The following PALM2AKAP2 variants were observed in gnomAD, a reference collection of about 807,000 sequenced individuals.
PALM2AKAP2 encodes PALM2 and AKAP2 fusion, also known as PALM2-AKAP2 fusion protein.
PALM2AKAP2 carries 37 observed loss-of-function variants against 71.5 expected under a neutral mutation model. The ratio of observed to expected loss-of-function variants is 0.52; its 90% CI spans 0.40 to 0.68. The LOEUF is 0.68. PALM2AKAP2 is among the 30% of genes least tolerant of loss of function. The probability of loss-of-function intolerance (pLI) is 0.00; values close to 1 mark genes in which losing one functional copy is unlikely to be tolerated. For synonymous variants in PALM2AKAP2, 468 were observed against 478.8 expected (o/e 0.98, Z 0.29); for missense variants, 1,224 against 1,191.8 (o/e 1.03, Z -0.40).
intron 5 of PALM2AKAP2, among the ~76,000 whole-genome samples, chr9:109,930,221 G>A (rs926184162): frequency 2.0e-5 from 3 of 149,294 alleles, no homozygotes; most frequent in Non-Finnish European, 4.4e-5. Flanking sequence ...GGTTAATATG[G>A]AAAAATCTAT....
At chr9:109,720,747 T>G (rs1215281658) in intron 1 of PALM2AKAP2, among the ~76,000 whole-genome samples, 1 of 152,236 alleles carries the variant, frequency 6.6e-6, no homozygotes, top group Non-Finnish European at 1.5e-5. Flanking sequence ...TGTGTAAGGA[T>G]ATACACAAAT....
intron 1 of PALM2AKAP2, among the ~76,000 whole-genome samples, chr9:109,717,036 A>G (rs987706392): frequency 1.1e-4 from 16 of 152,156 alleles, no homozygotes; most frequent in East Asian, 1.9e-4. Context: ...ATGCAATTCA[A>G]TGAGATCCAA....
At chr9:110,053,043 G>A (rs62580233) in intron 1 of PALM2AKAP2, among the ~76,000 whole-genome samples, 12,319 of 152,254 alleles carry the variant, frequency 0.081, 545 homozygotes, top group Middle Eastern at 0.12. Context: ...GTTTGGTGGT[G>A]GGTTCCTTTT....
intron 6 of PALM2AKAP2, among the ~76,000 whole-genome samples, chr9:109,985,656 C>CT (rs568197028): frequency 0.17 from 21,980 of 131,992 alleles, 1,814 homozygotes; most frequent in South Asian, 0.25. Context: ...TTCTTTCTTT[C>CT]TTTTTTTTTT....
At chr9:109,803,687 T>G (rs1424288058) in intron 1 of PALM2AKAP2, among the ~76,000 whole-genome samples, 1 of 152,204 alleles carries the variant, frequency 6.6e-6, no homozygotes, top group Non-Finnish European at 1.5e-5. Context: ...GGAAAGCAAG[T>G]TAGCATCAAC....
At chr9:110,080,860 A>G (rs1032042953) in intron 1 of PALM2AKAP2, among the ~76,000 whole-genome samples, 6 of 152,102 alleles carry the variant, frequency 3.9e-5, no homozygotes. Context: ...TTGTATTTTT[A>G]GTAGAGATGA....
At chr9:109,926,572 A>T (rs944035879) in intron 5 of PALM2AKAP2, among the ~76,000 whole-genome samples, 3 of 152,102 alleles carry the variant, frequency 2.0e-5, no homozygotes, top group Non-Finnish European at 4.4e-5. Context: ...GTCTGGGAAG[A>T]CCTGAGGCAT....
At chr9:110,048,493 T>C (rs866947801), upstream of PALM2AKAP2, 19 of 552,728 alleles carry the variant, frequency 3.4e-5, no homozygotes, top group African/African-American at 3.0e-4. Flanking sequence ...TCTGCATTCA[T>C]TCATTTCTTC....
rs1587875194 is a variant in PALM2AKAP2, at chr9:110,159,286, CT to C, written c.2748+2790del. On this transcript the variant is annotated intron_variant, in intron 3 of 3. Coordinates refer to ENST00000374525, the Ensembl canonical transcript of PALM2AKAP2. ...AACATGGCTTCTTAGACTCTCCACC[CT>C]CTAAGCACCTCAGTGGCTCACACCT... Among the ~76,000 whole-genome samples, 5 of 152,312 alleles carry C rather than the reference CT, an allele frequency of 3.3e-5. No individual in the cohort carries two copies. In the East Asian group the frequency reaches 9.6e-4, roughly 29 times the overall value.
intron 3 of PALM2AKAP2, among the ~76,000 whole-genome samples, chr9:110,160,165 T>C (rs1836560644): frequency 6.7e-6 from 1 of 148,210 alleles, no homozygotes; most frequent in South Asian, 2.2e-4. Context: ...TCTATGAAGA[T>C]ATGAAGATGC....
intron 1 of PALM2AKAP2, among the ~76,000 whole-genome samples, chr9:109,857,614 A>G (rs1829202039): frequency 6.6e-6 from 1 of 152,232 alleles, no homozygotes; most frequent in South Asian, 2.1e-4. Context: ...GAATTCACCC[A>G]GAGCCAAACA....
intron 7 of PALM2AKAP2, among the ~76,000 whole-genome samples, chr9:110,041,242 A>G (rs1217801888): frequency 6.6e-6 from 1 of 150,850 alleles, no homozygotes; most frequent in East Asian, 1.9e-4. Context: ...ACTCTTTCCA[A>G]CACAGGTCTT....
chr9:110,127,880 G>A (rs1835649468), intron 1 of PALM2AKAP2: 2 of 152,226 alleles, frequency 1.3e-5, no homozygotes, highest in Non-Finnish European at 2.9e-5. Flanking sequence ...ATGGGAACTG[G>A]TACTCACTCC....
intron 1 of PALM2AKAP2, among the ~76,000 whole-genome samples, chr9:109,841,391 A>C (rs1368917139): frequency 6.7e-6 from 1 of 148,662 alleles, no homozygotes; most frequent in East Asian, 2.0e-4. Context: ...GGGGAGGGAT[A>C]GCATTAGGAG....
intron 6 of PALM2AKAP2, 25 bp from the exon 7 acceptor site, chr9:110,015,929 A>C: frequency 6.2e-7 from 1 of 1,605,632 alleles, no homozygotes; most frequent in Non-Finnish European, 8.5e-7. Context: ...CTTGGCTCAA[A>C]TGGCACTTCT....
chr9:110,141,240 G>T (rs954463180), intron 2 of PALM2AKAP2, among the ~76,000 whole-genome samples: 3 of 152,068 alleles, frequency 2.0e-5, no homozygotes, highest in Non-Finnish European at 2.9e-5. Flanking sequence ...AATCTCCCCA[G>T]TACTTCCCTC....
intron 6 of PALM2AKAP2, among the ~76,000 whole-genome samples, chr9:110,008,488 T>C: frequency 6.6e-6 from 1 of 151,946 alleles, no homozygotes; most frequent in East Asian, 1.9e-4. Flanking sequence ...TATAACCTGG[T>C]TGAGGAGAAA....
chr9:109,916,959 T>C (rs1024746350), intron 3 of PALM2AKAP2, among the ~76,000 whole-genome samples: 1 of 152,166 alleles, frequency 6.6e-6, no homozygotes, highest in African/African-American at 2.4e-5. Flanking sequence ...GTGAATATGG[T>C]AGGTTCCATG....
intron 1 of PALM2AKAP2, among the ~76,000 whole-genome samples, chr9:109,764,035 T>C (rs1829104493): frequency 6.6e-6 from 1 of 152,160 alleles, no homozygotes; most frequent in African/African-American, 2.4e-5. Flanking sequence ...GACAGATCTT[T>C]TGGACAGCCA....
Sources: allele counts gnomAD v4.1 joint callset (sites outside exome capture counted in the v4.1 genomes callset), GRCh38; gene constraint gnomAD v4.1.1; transcripts MANE v1.5; gene names NCBI Gene and HGNC (gene_info 2026-07-23, HGNC 2026-07-21).